Variants in PARP11 observed in about 807,000 individuals in gnomAD.
PARP11 encodes protein mono-ADP-ribosyltransferase PARP11.
Under a neutral mutation model 42.9 loss-of-function variants are expected in PARP11, and 31 were observed. The observed-to-expected ratio is 0.72, with a 90% CI of 0.54 to 0.98. The LOEUF is 0.98. Ranked by LOEUF, PARP11 falls within the 50% of genes least tolerant of loss-of-function variation. The pLI is 0.00. For missense variants in PARP11, 365 were observed against 413.1 expected, an observed-to-expected ratio of 0.88 and a Z score of 1.01; for synonymous variants, 137 against 127.3, an observed-to-expected ratio of 1.08 and a Z score of -0.51.
At position 3,824,580 on chromosome 12, in the gene PARP11, C is replaced by T. The variant is rs149216493; in HGVS notation, c.344+1578G>A. On this transcript the variant is annotated intron_variant, in intron 4 of 7. Coordinates refer to ENST00000228820, the MANE Select transcript of PARP11 (RefSeq NM_020367.6). The stretch of plus-strand genomic sequence containing the variant: ...ACCTTCAACACCCTATTGTATCTTA[C>T]CTAAACAGTCCTCTCCTTTTATTAT... 3.5e-3 allele frequency: 3,259 copies of T among 940,826 alleles called. 7 individuals carry two copies. The highest frequency in any genetic ancestry group is 3.9e-3 in the Non-Finnish European group (3,079 of 789,226). The allele number at this position is 940,826 out of a possible 1,614,324, so 58.3% of individuals were successfully genotyped here.
At chr12:3,832,363 T>G (rs1158318069) in intron 1 of PARP11, among the ~76,000 whole-genome samples, 3 of 152,184 alleles carry the variant, frequency 2.0e-5, no homozygotes, top group Non-Finnish European at 2.9e-5. Context: ...AATAATACAA[T>G]TTTTTGTCTA....
chr12:3,821,978 T>A lies in PARP11; in HGVS notation c.443A>T (p.His148Leu), dbSNP rs142135252. The change falls in exon 6 of 8, where the codon CAT becomes CTT. Residue 148 changes from histidine to leucine, a missense_variant. Physicochemically the swap from His to Leu is moderately conservative, Grantham distance 99 (BLOSUM62 -3). Coordinates refer to ENST00000228820, the MANE Select transcript of PARP11 (RefSeq NM_020367.6). ...YQLIPLHNQT[H>L]EYNEVANLFG... ...GAGATTAGCAACTTCATTATATTCA[T>A]GTGTTTGATTGTGCAGAGGAATAAG... The A allele has an allele frequency of 3.1e-6, 5 of 1,609,136 alleles. No individual in the cohort carries two copies. In the African/African-American group the frequency reaches 6.7e-5, roughly 22 times the overall value.
chr12:3,834,634 C>CAAAAA (rs567817866), intron 1 of PARP11, among the ~76,000 whole-genome samples: 1 of 69,374 alleles, frequency 1.4e-5, no homozygotes, highest in African/African-American at 4.7e-5. Flanking sequence ...CACTCCATCT[C>CAAAAA]AAAAAAAAAA....
intron 1 of PARP11, among the ~76,000 whole-genome samples, chr12:3,859,570 A>C (rs1948261499): frequency 6.6e-6 from 1 of 151,996 alleles, no homozygotes; most frequent in African/African-American, 2.4e-5. Flanking sequence ...AAAAAAAAAA[A>C]AAAAAAAGGC....
intron 1 of PARP11, among the ~76,000 whole-genome samples, chr12:3,838,908 G>A (rs1484493359): frequency 2.0e-5 from 3 of 152,188 alleles, no homozygotes; most frequent in South Asian, 2.1e-4. Flanking sequence ...GCCTGGGGCG[G>A]GGCTTTTCTC....
chr12:3,822,646 T>C (rs1461906783), intron 4 of PARP11, among the ~76,000 whole-genome samples: 1 of 152,044 alleles, frequency 6.6e-6, no homozygotes, highest in Non-Finnish European at 1.5e-5. Context: ...TGCTACTTTT[T>C]AGGTGTTCAA....
chr12:3,855,138 T>C (rs1202877167), intron 1 of PARP11, among the ~76,000 whole-genome samples: 1 of 152,146 alleles, frequency 6.6e-6, no homozygotes, highest in Non-Finnish European at 1.5e-5. Context: ...TAACTCAAAA[T>C]AATAAGAGCT....
chr12:3,837,210 G>A (rs1325372851), intron 1 of PARP11, among the ~76,000 whole-genome samples: 1 of 152,150 alleles, frequency 6.6e-6, no homozygotes, highest in Non-Finnish European at 1.5e-5. Flanking sequence ...GCACTGCCAG[G>A]ATAACCTCTC....
chr12:3,863,510 T>C (rs1948334569), intron 1 of PARP11, among the ~76,000 whole-genome samples: 1 of 152,168 alleles, frequency 6.6e-6, no homozygotes, highest in African/African-American at 2.4e-5. Flanking sequence ...CAGGGGTCCC[T>C]AAGACAACCC....
chr12:3,846,065 C>T (rs538074482), intron 1 of PARP11, among the ~76,000 whole-genome samples: 11 of 152,060 alleles, frequency 7.2e-5, no homozygotes, highest in Admixed American at 2.6e-4. Flanking sequence ...AGTATATATA[C>T]GTATCTTTTG....
chr12:3,849,524 C>T (rs1280127585), intron 1 of PARP11, among the ~76,000 whole-genome samples: 3 of 152,014 alleles, frequency 2.0e-5, no homozygotes, highest in East Asian at 1.9e-4. Flanking sequence ...AATGAGAATT[C>T]GTTATGTCAA....
intron 1 of PARP11, among the ~76,000 whole-genome samples, chr12:3,834,634 C>CAAAA (rs567817866): frequency 4.3e-5 from 3 of 69,226 alleles, no homozygotes; most frequent in African/African-American, 4.7e-5. Context: ...CACTCCATCT[C>CAAAA]AAAAAAAAAA....
At chr12:3,830,635 G>C (rs1164249591) in intron 1 of PARP11, among the ~76,000 whole-genome samples, 3 of 152,028 alleles carry the variant, frequency 2.0e-5, no homozygotes, top group Non-Finnish European at 4.4e-5. Flanking sequence ...CTAAGTGTCA[G>C]GATACAATAA....
intron 6 of PARP11, among the ~76,000 whole-genome samples, chr12:3,814,519 C>T (rs760920385): frequency 3.9e-5 from 6 of 152,120 alleles, no homozygotes; most frequent in Non-Finnish European, 7.4e-5. Flanking sequence ...AATGAGACAA[C>T]AAACAAGTAA....
chr12:3,814,773 T>C (rs931204993), intron 6 of PARP11, among the ~76,000 whole-genome samples: 1 of 130,124 alleles, frequency 7.7e-6, no homozygotes, highest in South Asian at 2.8e-4. Flanking sequence ...CAGCCTAAAA[T>C]TATTTCACAG....
intron 1 of PARP11, chr12:3,872,421 A>T (rs1467123171): frequency 3.6e-6 from 2 of 560,806 alleles, no homozygotes; most frequent in Non-Finnish European, 4.5e-6. Flanking sequence ...GAGGAAAGGT[A>T]CTAAAGTTTT....
At chr12:3,828,849 G>C (rs1437766996) in intron 3 of PARP11, 61 bp downstream of exon 3, 31 of 1,456,840 alleles carry the variant, frequency 2.1e-5, no homozygotes, top group Non-Finnish European at 2.9e-6. Flanking sequence ...GACCTTCAGA[G>C]CTGTAGATTT....
chr12:3,862,599 T>C (rs948516048), intron 1 of PARP11, among the ~76,000 whole-genome samples: 3 of 149,268 alleles, frequency 2.0e-5, no homozygotes, highest in Non-Finnish European at 4.5e-5. Context: ...GTATATTTTA[T>C]ATACTATATA....
chr12:3,836,518 A>T (rs1947765838), intron 1 of PARP11, among the ~76,000 whole-genome samples: 1 of 151,936 alleles, frequency 6.6e-6, no homozygotes, highest in African/African-American at 2.4e-5. Flanking sequence ...CATTCGTAAT[A>T]ATCCATGGGG....
Sources: allele counts gnomAD v4.1 joint callset (sites outside exome capture counted in the v4.1 genomes callset), GRCh38; gene constraint gnomAD v4.1.1; transcripts MANE v1.5; gene names NCBI Gene and HGNC (gene_info 2026-07-23, HGNC 2026-07-21).